DHX35: variants seen among roughly 807,000 people sequenced by gnomAD.
DHX35 encodes probable ATP-dependent RNA helicase DHX35.
In DHX35, 84 loss-of-function variants were observed where a neutral mutation model predicts 99.6. The ratio of observed to expected loss-of-function variants is 0.84; its 90% CI spans 0.71 to 1.01. The LOEUF (loss-of-function observed/expected upper bound fraction) is 1.01. Among genes scored for constraint, DHX35 ranks in the 50% least tolerant of loss-of-function variants. The pLI is 0.00. For synonymous variants in DHX35, 331 were observed against 316.2 expected, an observed-to-expected ratio of 1.05 and a Z score of -0.50; for missense variants, 852 against 888.5, an observed-to-expected ratio of 0.96 and a Z score of 0.52.
In DHX35 at chr20:38,997,046, TTTTATTTATTTATTTA is replaced by T. The variant is rs143900166; in HGVS notation, c.642+2190_642+2205del. On this transcript the variant is annotated intron_variant, in intron 8 of 21. Coordinates refer to ENST00000252011, the MANE Select transcript of DHX35 (RefSeq NM_021931.4). The stretch of plus-strand genomic sequence containing the variant: ...ATGTCCAAGTCTTTTCTTAGATTCA[TTTTATTTATTTATTTA>T]TTTATTTATTTATTTATTTATTTTT... Among the ~76,000 whole-genome samples the T allele has an allele frequency of 9.0e-3, 1,347 of 149,002 alleles. 18 individuals are homozygous for T. The highest frequency in any genetic ancestry group is 0.03 in the African/African-American group (1,226 of 40,210).
rs71351585 is a variant in DHX35, at chr20:39,006,330, C to T, written c.1196C>T (p.Ser399Leu). The T allele has an allele frequency of 8.8e-5, 142 of 1,613,946 alleles. 1 individual carries two copies. The highest frequency in any genetic ancestry group is 1.1e-4 in the Non-Finnish European group (129 of 1,180,026). The change falls in exon 12 of 22, where the codon TCG becomes TTG. Residue 399 changes from serine (S) to leucine (L), a missense_variant. Transcript: ENST00000252011. ...QRAGRGGRSR[S>L]GKCYRLYTEE... The stretch of plus-strand genomic sequence containing the variant: ...GCAGGACGTGGTGGTCGTAGTCGCT[C>T]GGGAAAATGTTATCGCCTTTATACA...
Position 38,969,146 on chromosome 20 carries a change from A to G in DHX35, c.106A>G (p.Thr36Ala), listed in dbSNP as rs756244459. ...AAGTCTGGCTGAAAACTCTGGGACAACGGTTGTTTACAACCCTTATGCTGC... is the reference window on the plus strand; with the variant it reads ...AAGTCTGGCTGAAAACTCTGGGACAGCGGTTGTTTACAACCCTTATGCTGC... ...RQSLAENSGT[T>A]VVYNPYAALS... The change falls in exon 2 of 22, where the codon ACG (threonine) becomes GCG (alanine). Residue 36 changes from threonine (T) to alanine (A), a missense_variant. By Grantham distance (58) the Thr-to-Ala change is moderately conservative (BLOSUM62 0). Coordinates refer to ENST00000252011, the MANE Select transcript of DHX35 (RefSeq NM_021931.4). The G allele has an allele frequency of 5.0e-6, 8 of 1,613,994 alleles. No homozygotes were observed. The highest frequency in any genetic ancestry group is 2.2e-5 in the East Asian group (1 of 44,896).
chr20:38,983,637 T>G, intron 3 of DHX35, 62 bp from the exon 4 acceptor site: 1 of 1,370,426 alleles, frequency 7.3e-7, no homozygotes, highest in Non-Finnish European at 1.0e-6. Context: ...GGGAGCATCT[T>G]GGGGGAGATT....
chr20:38,977,618 A>G (rs749748448), intron 3 of DHX35: 3 of 331,296 alleles, frequency 9.1e-6, no homozygotes, highest in Non-Finnish European at 1.7e-5. Context: ...TGGACAACGC[A>G]GTCTTGGCAA....
At chr20:38,989,245 C>G (rs1380742028) in intron 5 of DHX35, among the ~76,000 whole-genome samples, 3 of 150,342 alleles carry the variant, frequency 2.0e-5, no homozygotes, top group Non-Finnish European at 4.4e-5. Flanking sequence ...CTACAGGCGA[C>G]CGTCACCACA....
chr20:38,990,256 C>G (rs1485639864), intron 5 of DHX35, among the ~76,000 whole-genome samples: 4 of 152,184 alleles, frequency 2.6e-5, no homozygotes, highest in Non-Finnish European at 4.4e-5. Flanking sequence ...TATGTGGCAG[C>G]TAGTACCAGG....
chr20:38,978,390 A>C (rs1488272604), intron 3 of DHX35: 3 of 698,240 alleles, frequency 4.3e-6, no homozygotes, highest in Middle Eastern at 4.1e-4. Flanking sequence ...GGGGCCTCAC[A>C]GGGCTCATGT....
At chr20:39,009,807 T>A (rs2086671564) in intron 12 of DHX35, among the ~76,000 whole-genome samples, 1 of 152,190 alleles carries the variant, frequency 6.6e-6, no homozygotes, top group Admixed American at 6.5e-5. Flanking sequence ...GGAATGATAT[T>A]GTGTACCTGG....
chr20:39,029,237 A>G (rs1028652107), intron 19 of DHX35: 1 of 152,058 alleles, frequency 6.6e-6, no homozygotes, highest in African/African-American at 2.4e-5. Flanking sequence ...CTGTTCTTTA[A>G]TAAGAGAACA....
chr20:38,980,511 G>GTTTTTTTTTTTTTTT, intron 3 of DHX35, among the ~76,000 whole-genome samples: 2 of 136,994 alleles, frequency 1.5e-5, no homozygotes, highest in Non-Finnish European at 3.2e-5. Context: ...TTATAGTTCT[G>GTTTTTTTTTTTTTTT]TTTTTTTTTT....
At chr20:39,027,504 A>G (rs925309637) in intron 18 of DHX35, among the ~76,000 whole-genome samples, 2 of 152,244 alleles carry the variant, frequency 1.3e-5, no homozygotes, top group African/African-American at 4.8e-5. Context: ...AATAAATGTA[A>G]TATAAAAGAA....
At chr20:38,979,486 C>T (rs1362019019) in intron 3 of DHX35, among the ~76,000 whole-genome samples, 2 of 152,136 alleles carry the variant, frequency 1.3e-5, no homozygotes, top group Non-Finnish European at 2.9e-5. Context: ...AAGTTAATCT[C>T]CTAAGCTTTG....
intron 3 of DHX35, among the ~76,000 whole-genome samples, chr20:38,981,202 A>G (rs188558048): frequency 3.3e-4 from 50 of 152,306 alleles, no homozygotes; most frequent in Admixed American, 8.5e-4. Flanking sequence ...CTTGGGGGAC[A>G]TATTTTCACA....
intron 15 of DHX35, among the ~76,000 whole-genome samples, chr20:39,021,137 T>A (rs2086866199): frequency 6.6e-6 from 1 of 152,222 alleles, no homozygotes. Flanking sequence ...GGTCTAGTTG[T>A]GCCTTGGGCT....
chr20:38,983,811 G>C (rs538500939), intron 4 of DHX35, 35 bp downstream of exon 4: 2 of 1,571,822 alleles, frequency 1.3e-6, no homozygotes, highest in East Asian at 4.5e-5. Context: ...GATTCTATCT[G>C]TGTTGTCTAC....
chr20:38,997,679 A>T (rs2086452182), intron 8 of DHX35, among the ~76,000 whole-genome samples: 4 of 150,906 alleles, frequency 2.7e-5, no homozygotes. Flanking sequence ...TGAATGGGGG[A>T]TCTGTGTGTG....
chr20:38,996,973 T>C (rs2086439370), intron 8 of DHX35, among the ~76,000 whole-genome samples: 1 of 148,872 alleles, frequency 6.7e-6, no homozygotes, highest in Non-Finnish European at 1.5e-5. Flanking sequence ...TAAAAATTAT[T>C]AAATTAAGTT....
At chr20:39,028,798 A>G (rs2086998604) in intron 19 of DHX35, among the ~76,000 whole-genome samples, 1 of 152,198 alleles carries the variant, frequency 6.6e-6, no homozygotes, top group African/African-American at 2.4e-5. Flanking sequence ...ACCTGAAGAA[A>G]CTATTAAAAA....
intron 21 of DHX35, among the ~76,000 whole-genome samples, chr20:39,034,991 C>T (rs114908374): frequency 6.6e-6 from 1 of 151,934 alleles, no homozygotes; most frequent in East Asian, 1.9e-4. Flanking sequence ...AATAACTGGG[C>T]TCAAGTGGTG....
Sources: allele counts gnomAD v4.1 joint callset (sites outside exome capture counted in the v4.1 genomes callset), GRCh38; gene constraint gnomAD v4.1.1; transcripts MANE v1.5; gene names NCBI Gene and HGNC (gene_info 2026-07-23, HGNC 2026-07-21).